Variants in SVOP observed in about 807,000 individuals in gnomAD.
The protein encoded by SVOP is SV2 related protein, also known as synaptic vesicle 2-related protein.
A neutral mutation model predicts 69.1 loss-of-function variants in SVOP; 17 were observed. The ratio of observed to expected loss-of-function variants is 0.25; its 90% CI spans 0.17 to 0.37. SVOP has a LOEUF of 0.37. SVOP is among the 10% of genes least tolerant of loss of function. SVOP has a pLI of 1.00. For missense variants in SVOP, 435 were observed against 597.5 expected (o/e 0.73, Z 2.84); for synonymous variants, 238 against 238.6 (o/e 1.00, Z 0.02).
At chr12:108,951,438 A>G (rs1463210614) in intron 6 of SVOP, among the ~76,000 whole-genome samples, 1 of 152,208 alleles carries the variant, frequency 6.6e-6, no homozygotes, top group Non-Finnish European at 1.5e-5. Context: ...GCTTATTTGC[A>G]TTTCCTAAAT....
chr12:109,020,751 T>TGGGGGGGGGGGGGGG, intron 1 of SVOP, 83 bp downstream of exon 1: 2 of 398,286 alleles, frequency 5.0e-6, no homozygotes, highest in Non-Finnish European at 9.6e-6. Context: ...CATGCAGAGA[T>TGGGGGGGGGGGGGGG]GTACCCCCCC....
At chr12:108,949,018 G>A (rs2137413167) in intron 6 of SVOP, among the ~76,000 whole-genome samples, 1 of 152,120 alleles carries the variant, frequency 6.6e-6, no homozygotes, top group East Asian at 1.9e-4. Context: ...ATATTCTAAG[G>A]GCAAAGCTAT....
At chr12:108,922,950 C>T (rs898127321) in intron 11 of SVOP, among the ~76,000 whole-genome samples, 153 bp from the exon 12 acceptor site, 7 of 152,202 alleles carry the variant, frequency 4.6e-5, no homozygotes, top group African/African-American at 1.7e-4. Flanking sequence ...GTTTGAACAC[C>T]AAGCCGCAGT....
chr12:108,992,149 G>C (rs574475398), intron 1 of SVOP, among the ~76,000 whole-genome samples: 2 of 152,086 alleles, frequency 1.3e-5, no homozygotes, highest in South Asian at 4.2e-4. Context: ...CAGCCTGTCA[G>C]TGACTAAATA....
At position 108,938,813 on chromosome 12, in the gene SVOP, G is replaced by GTT. The variant is rs1423034752; in HGVS notation, c.897+13_897+14insAA. 1.2e-5 allele frequency: 20 copies of GTT among 1,613,932 alleles called. No homozygotes were observed. The highest frequency in any genetic ancestry group is 1.5e-5 in the Non-Finnish European group (18 of 1,179,848). On this transcript the variant is annotated intron_variant, in intron 9 of 15. Transcript: ENST00000610966. ...GATACGCACATTGCAGAGTCTATTG[G>GTT]TCCAGGCACTGACCTGTCTGGAGAT...
At chr12:108,937,483 A>T in intron 9 of SVOP, 146 bp from the exon 10 acceptor site, 1 of 794,734 alleles carries the variant, frequency 1.3e-6, no homozygotes, top group Non-Finnish European at 2.2e-6. Context: ...CAGGTCTCAA[A>T]TCTACAGGAC....
chr12:108,990,853 C>T (rs978778989), intron 1 of SVOP, among the ~76,000 whole-genome samples: 7 of 152,144 alleles, frequency 4.6e-5, no homozygotes, highest in African/African-American at 1.7e-4. Flanking sequence ...GATGGCTGGG[C>T]CCCGCCCCCA....
chr12:109,015,865 C>T (rs553202260), intron 1 of SVOP, among the ~76,000 whole-genome samples: 2 of 152,184 alleles, frequency 1.3e-5, no homozygotes, highest in African/African-American at 4.8e-5. Context: ...AAGTTTCCGG[C>T]CAAATGGGAC....
intron 1 of SVOP, among the ~76,000 whole-genome samples, chr12:109,007,956 T>G (rs1397932167): frequency 6.6e-6 from 1 of 152,130 alleles, no homozygotes; most frequent in Non-Finnish European, 1.5e-5. Flanking sequence ...AAGGATCATT[T>G]GAACCCAAGA....
intron 15 of SVOP, 71 bp from the exon 16 acceptor site, chr12:108,912,812 T>C: frequency 6.9e-7 from 1 of 1,449,772 alleles, no homozygotes; most frequent in African/African-American, 1.4e-5. Context: ...CATCAAATAG[T>C]ATTAGTAACA....
At chr12:109,008,960 C>CTTTTTTTTTT (rs71079510) in intron 1 of SVOP, among the ~76,000 whole-genome samples, 83 of 112,720 alleles carry the variant, frequency 7.4e-4, no homozygotes, top group Non-Finnish European at 8.6e-4. Flanking sequence ...TCTTTTCTTT[C>CTTTTTTTTTT]TTTTTTTTTT....
intron 10 of SVOP, 159 bp downstream of exon 10, chr12:108,937,105 C>A (rs1284687733): frequency 7.0e-6 from 5 of 710,314 alleles, no homozygotes; most frequent in African/African-American, 5.3e-5. Flanking sequence ...CAGATGATAA[C>A]CTGGATATGA....
Position 108,979,384 on chromosome 12 carries a change from C to T in SVOP, c.197-721G>A, listed in dbSNP as rs142628103. 8.2e-3 allele frequency among the ~76,000 whole-genome samples: 1,241 copies of T among 152,180 alleles called. 9 individuals are homozygous for T. Among genetic ancestry groups the T allele is most frequent in the Admixed American group, 0.016 (242 of 15,262 alleles). On this transcript the variant is annotated intron_variant, in intron 2 of 15. Coordinates refer to ENST00000610966, the MANE Select transcript of SVOP (RefSeq NM_018711.5). ...CCTCCCAAGTAGCTGGGACTACAGGCACATGTCACCATGCCCAGCTATTTT... is the reference window on the plus strand; with the variant it reads ...CCTCCCAAGTAGCTGGGACTACAGGTACATGTCACCATGCCCAGCTATTTT...
rs140502266 is a variant in SVOP at position 108,938,854 on chromosome 12, C to A, written c.870G>T (p.Pro290=). Residue 290 remains proline, a synonymous_variant, in exon 9 of 16, where the codon CCG becomes CCT. Transcript: ENST00000610966. ...GTCTGGAGATGATGAGTTTCCCCAGCGGCATGGGAGCTCCGTTTTCAGTTG... is the reference window on the plus strand; with the variant it reads ...GTCTGGAGATGATGAGTTTCCCCAGAGGCATGGGAGCTCCGTTTTCAGTTG... The part of the protein sequence containing the change: ...RIATENGAPM[P]LGKLIISRQE... 925 of 1,614,008 alleles carry A rather than the reference C, an allele frequency of 5.7e-4. 4 individuals carry two copies. In the African/African-American group the frequency reaches 7.3e-3, roughly 13 times the overall value.
In SVOP at chr12:108,912,443, G is replaced by C. The variant is rs867333272; in HGVS notation, c.*92C>G. On this transcript the variant is annotated 3_prime_UTR_variant, in exon 16 of 16. Transcript: ENST00000610966. ...AGGTCATACTCTTGGGTGAGTTCTTGATGTCGGCAGTGACAATCAGTGCCC... is the reference window on the plus strand; with the variant it reads ...AGGTCATACTCTTGGGTGAGTTCTTCATGTCGGCAGTGACAATCAGTGCCC... 1.0e-5 allele frequency: 16 copies of C among 1,580,330 alleles called. 1 individual carries two copies. In the Middle Eastern group the frequency reaches 2.5e-3, roughly 242 times the overall value.
Position 108,960,993 on chromosome 12 carries a change from C to T in SVOP, c.508G>A (p.Ala170Thr), listed in dbSNP as rs1380331840. 6.5e-7 allele frequency: 1 copy of T among 1,536,980 alleles called. No homozygotes were observed. Among genetic ancestry groups the T allele is most frequent in the African/African-American group, 1.4e-5 (1 of 73,006 alleles). The change falls in exon 6 of 16, where the codon GCG becomes ACG. Residue 170 changes from alanine to threonine, a missense_variant. Ala to Thr is a moderately conservative substitution (Grantham distance 58, BLOSUM62 0). Coordinates refer to ENST00000610966, the MANE Select transcript of SVOP (RefSeq NM_018711.5). Reference sequence around the variant, plus strand: ...ACCAGGATCCAGCTATACACGGGCGCAAATGCACTAAGGATGCCATAGTAC... The same window carrying T: ...ACCAGGATCCAGCTATACACGGGCGTAAATGCACTAAGGATGCCATAGTAC... ...TLYYGILSAF[A>T]PVYSWILVLR...
rs556788643 is a variant in SVOP at position 108,960,923 on chromosome 12, G to A, written c.578C>T (p.Ser193Leu). The stretch of plus-strand genomic sequence containing the variant: ...TAGCCAGCACTGGGTATTTACTTAC[G>A]ACTGGGGAACTCCTCCGATCCCGAA... ...VGFGIGGVPQ[S>L]VTLYAEFLPM... Residue 193 changes from serine to leucine, a missense_variant and splice_region_variant, in exon 6 of 16, where the codon TCG becomes TTG. Ser to Leu is a moderately radical substitution (Grantham distance 145). Coordinates refer to ENST00000610966, the MANE Select transcript of SVOP (RefSeq NM_018711.5). 2.0e-6 allele frequency: 3 copies of A among 1,536,870 alleles called. No individual in the cohort carries two copies. Among genetic ancestry groups the A allele is most frequent in the South Asian group, 2.4e-5 (2 of 84,026 alleles).
chr12:109,012,075 G>T (rs1404958852), intron 1 of SVOP, among the ~76,000 whole-genome samples: 1 of 152,148 alleles, frequency 6.6e-6, no homozygotes, highest in Non-Finnish European at 1.5e-5. Flanking sequence ...CTGAGGTCAG[G>T]AGTTCAAGAC....
intron 8 of SVOP, among the ~76,000 whole-genome samples, chr12:108,939,297 AT>A (rs1328371454): frequency 6.6e-6 from 1 of 152,134 alleles, no homozygotes; most frequent in Non-Finnish European, 1.5e-5. Flanking sequence ...CACGGTTGCT[AT>A]TACTATTATT....
Sources: allele counts gnomAD v4.1 joint callset (sites outside exome capture counted in the v4.1 genomes callset), GRCh38; gene constraint gnomAD v4.1.1; transcripts MANE v1.5; gene names NCBI Gene and HGNC (gene_info 2026-07-23, HGNC 2026-07-21).